Variants in THRB observed in about 807,000 individuals in gnomAD.
The protein encoded by THRB is nuclear receptor subfamily 1 group A member 2.
Under a neutral mutation model 47.8 loss-of-function variants are expected in THRB, and 12 were observed. The ratio of observed to expected loss-of-function variants is 0.25; its 90% confidence interval spans 0.16 to 0.41. The LOEUF (loss-of-function observed/expected upper bound fraction) is 0.41. Ranked by LOEUF, THRB falls within the 10% of genes least tolerant of loss-of-function variation. The pLI, the probability that THRB is intolerant of heterozygous loss-of-function variation, is 1.00. For missense variants in THRB, 348 were observed against 589.2 expected (o/e 0.59, Z 4.24); for synonymous variants, 218 against 212.2 (o/e 1.03, Z -0.24).
At chr3:24,482,490 T>G (rs926166851) in intron 1 of THRB, among the ~76,000 whole-genome samples, 75 of 151,866 alleles carry the variant, frequency 4.9e-4, no homozygotes, top group Non-Finnish European at 6.5e-4. Context: ...CCTGATTCAT[T>G]CATTCATTCA....
intron 3 of THRB, among the ~76,000 whole-genome samples, chr3:24,265,340 T>G (rs826231): frequency 0.88 from 134,609 of 152,278 alleles, 59,938 homozygotes; most frequent in East Asian, 0.96. Context: ...GATCAAGACA[T>G]TAAAAGTGGT....
At position 24,146,458 on chromosome 3, in the gene THRB, G is replaced by T. The variant is rs538070484; in HGVS notation, c.532+217C>A. Among the ~76,000 whole-genome samples the T allele has an allele frequency of 9.6e-4, 146 of 152,328 alleles. 1 individual carries two copies. The highest frequency in any genetic ancestry group is 1.8e-3 in the Non-Finnish European group (122 of 68,024). On this transcript the variant is annotated intron_variant, in intron 7 of 10. Transcript: ENST00000646209. ...TCCATACTTTGACAGTTAGGAGGTG[G>T]TATGACAGGGTAGGATGGAACCCAC...
At chr3:24,375,651 CA>C (rs2065233979) in intron 1 of THRB, among the ~76,000 whole-genome samples, 1 of 151,348 alleles carries the variant, frequency 6.6e-6, no homozygotes, top group African/African-American at 2.4e-5. Context: ...TAGACCCCCC[CA>C]GACTACTACT....
At chr3:24,232,464 G>T (rs1265268974) in intron 3 of THRB, among the ~76,000 whole-genome samples, 2 of 152,172 alleles carry the variant, frequency 1.3e-5, no homozygotes, top group Non-Finnish European at 2.9e-5. Flanking sequence ...GCTTATTTGG[G>T]GAGGATTTTG....
intron 1 of THRB, among the ~76,000 whole-genome samples, chr3:24,366,621 CTT>C (rs11389687): frequency 3.7e-4 from 47 of 125,792 alleles, no homozygotes; most frequent in Admixed American, 8.2e-4. Context: ...CAGCCTCTCA[CTT>C]TTTTTTTTTT....
chr3:24,221,074 G>T (rs568665325), intron 4 of THRB, among the ~76,000 whole-genome samples: 1 of 152,004 alleles, frequency 6.6e-6, no homozygotes, highest in Non-Finnish European at 1.5e-5. Flanking sequence ...TTACAACACA[G>T]CCAGATTCCA....
At chr3:24,461,681 G>A (rs2073715854) in intron 1 of THRB, among the ~76,000 whole-genome samples, 1 of 152,036 alleles carries the variant, frequency 6.6e-6, no homozygotes, top group Non-Finnish European at 1.5e-5. Context: ...AAATAATTGA[G>A]GGTTTTAAAT....
At chr3:24,213,011 G>A (rs1015330442) in intron 4 of THRB, among the ~76,000 whole-genome samples, 9 of 152,212 alleles carry the variant, frequency 5.9e-5, no homozygotes, top group African/African-American at 2.2e-4. Context: ...AGCGGAGTGA[G>A]CAACTCTGGC....
chr3:24,389,688 C>T (rs1019934258), intron 1 of THRB, among the ~76,000 whole-genome samples: 6 of 152,058 alleles, frequency 3.9e-5, no homozygotes, highest in African/African-American at 1.4e-4. Context: ...CTCAATTCCC[C>T]CCCTTTTTTT....
intron 3 of THRB, among the ~76,000 whole-genome samples, chr3:24,287,700 A>T (rs1308223561): frequency 6.9e-6 from 1 of 145,676 alleles, no homozygotes; most frequent in Non-Finnish European, 1.5e-5. Flanking sequence ...GATGGCCTTT[A>T]AAATGTTTTT....
intron 1 of THRB, chr3:24,455,243 C>T (rs1410649248): frequency 1.3e-5 from 2 of 149,790 alleles, no homozygotes; most frequent in Non-Finnish European, 3.0e-5. Flanking sequence ...AGCTCCTAAG[C>T]AGAGATGGAA....
intron 3 of THRB, among the ~76,000 whole-genome samples, chr3:24,238,306 T>TATGTGTGTGG (rs2049125112): frequency 1.6e-5 from 2 of 124,164 alleles, no homozygotes; most frequent in Non-Finnish European, 3.4e-5. Flanking sequence ...GTGGGGTGTG[T>TATGTGTGTGG]GTGTGATGAA....
At chr3:24,366,083 A>ATTAT (rs943497850) in intron 1 of THRB, among the ~76,000 whole-genome samples, 3 of 152,186 alleles carry the variant, frequency 2.0e-5, no homozygotes, top group African/African-American at 7.2e-5. Context: ...TTAGGTACAT[A>ATTAT]TTATTTGCAT....
At chr3:24,217,178 A>T (rs1436428204) in intron 4 of THRB, among the ~76,000 whole-genome samples, 2 of 151,722 alleles carry the variant, frequency 1.3e-5, no homozygotes, top group Admixed American at 6.6e-5. Context: ...GAATATTCAG[A>T]ATTTTCTTTT....
In THRB at chr3:24,120,724, C is replaced by T. The variant is rs1026537021; in HGVS notation, c.*2160G>A. 3 of 152,208 alleles carry T rather than the reference C, an allele frequency of 2.0e-5. No individual in the cohort carries two copies. Among genetic ancestry groups the T allele is most frequent in the African/African-American group, 7.2e-5 (3 of 41,446 alleles). The allele number at this position is 152,208 out of a possible 1,614,324, so 9.4% of individuals were successfully genotyped here. On this transcript the variant is annotated 3_prime_UTR_variant, in exon 11 of 11. Transcript: ENST00000646209. ...CAGAGCAAGCAATTAAGGAGCCTGG[C>T]CAGAGGCTGCCTAGACAAAACCAAA...
chr3:24,295,591 G>T (rs950042152), intron 3 of THRB, among the ~76,000 whole-genome samples: 1 of 152,166 alleles, frequency 6.6e-6, no homozygotes, highest in Non-Finnish European at 1.5e-5. Flanking sequence ...TTTTATTTCA[G>T]TAAGTTTGCC....
At chr3:24,134,433 C>G (rs1028962809) in intron 8 of THRB, among the ~76,000 whole-genome samples, 6 of 152,102 alleles carry the variant, frequency 3.9e-5, no homozygotes, top group East Asian at 1.9e-4. Context: ...TATTTGTGGC[C>G]TACAAGTGAG....
At chr3:24,257,625 T>A (rs2051436701) in intron 3 of THRB, among the ~76,000 whole-genome samples, 1 of 152,238 alleles carries the variant, frequency 6.6e-6, no homozygotes, top group Non-Finnish European at 1.5e-5. Context: ...TTGCAATTAC[T>A]CAACCATGCC....
chr3:24,330,939 G>A (rs1270828440), intron 2 of THRB, among the ~76,000 whole-genome samples: 1 of 152,196 alleles, frequency 6.6e-6, no homozygotes. Context: ...AAGTTGTACT[G>A]ACAAACTTTG....
Sources: gnomAD v4.1 joint callset for allele counts (sites outside exome capture counted in the v4.1 genomes callset) on GRCh38, gnomAD v4.1.1 for gene constraint, MANE v1.5 for transcripts, NCBI Gene and HGNC (gene_info 2026-07-23, HGNC 2026-07-21) for gene names.